Variants in PCDHA10 observed in about 807,000 individuals in gnomAD.
PCDHA10 encodes the protein protocadherin alpha-10.
Under a neutral mutation model 61.2 loss-of-function variants are expected in PCDHA10, and 45 were observed. The ratio of observed to expected loss-of-function variants is 0.74; its 90% CI spans 0.58 to 0.94. PCDHA10 has a LOEUF of 0.94. Among genes scored for constraint, PCDHA10 ranks in the 40% least tolerant of loss-of-function variants. The probability of loss-of-function intolerance (pLI) is 0.00; values close to 1 mark genes in which losing one functional copy is unlikely to be tolerated. For synonymous variants in PCDHA10, 602 were observed against 548.8 expected, an observed-to-expected ratio of 1.10 and a Z score of -1.35; for missense variants, 1,278 against 1,236.2, an observed-to-expected ratio of 1.03 and a Z score of -0.51.
At chr5:140,942,900 GA>G (rs1383279314) in intron 1 of PCDHA10, among the ~76,000 whole-genome samples, 1 of 151,718 alleles carries the variant, frequency 6.6e-6, no homozygotes, top group Non-Finnish European at 1.5e-5. Context: ...TTATCTCTAA[GA>G]ATAAGCGTGA....
In PCDHA10 at chr5:140,858,082, G is replaced by C; in HGVS notation, c.2034G>C (p.Ser678=). 4 of 1,597,832 alleles carry C rather than the reference G, an allele frequency of 2.5e-6. 1 individual carries two copies. Among genetic ancestry groups the C allele is most frequent in the Non-Finnish European group, 3.4e-6 (4 of 1,167,698 alleles). ...AGGGCAGCCAGGCACCCAAGGCCTC[G>C]TCGCGGGCTTCAGTGGGCGTGGCGC... ...LVEGSQAPKA[S]SRASVGVAPE... Residue 678 remains serine (S), a synonymous_variant, in exon 1 of 4, where the codon TCG becomes TCC. Transcript: ENST00000307360.
intron 1 of PCDHA10, among the ~76,000 whole-genome samples, chr5:140,952,596 GTT>G (rs1246642070): frequency 6.6e-6 from 1 of 152,136 alleles, no homozygotes; most frequent in Non-Finnish European, 1.5e-5. Flanking sequence ...TCTCTAGGAA[GTT>G]CTAAGCTCTC....
At chr5:140,925,219 AG>A (rs1324328907) in intron 1 of PCDHA10, among the ~76,000 whole-genome samples, 1 of 152,238 alleles carries the variant, frequency 6.6e-6, no homozygotes, top group Admixed American at 6.5e-5. Context: ...ACTTTTAGGC[AG>A]GTTTCTACCA....
intron 3 of PCDHA10, among the ~76,000 whole-genome samples, chr5:140,992,700 G>A (rs2097525204): frequency 6.6e-6 from 1 of 152,162 alleles, no homozygotes; most frequent in Non-Finnish European, 1.5e-5. Flanking sequence ...GGTGGGTAAT[G>A]TTCCTGCCAG....
At chr5:140,907,381 G>T (rs2073350294) in intron 1 of PCDHA10, among the ~76,000 whole-genome samples, 1 of 152,180 alleles carries the variant, frequency 6.6e-6, no homozygotes, top group African/African-American at 2.4e-5. Context: ...TGAGTGCCTT[G>T]GTCAAAGGCA....
intron 1 of PCDHA10, chr5:140,928,158 A>T: frequency 1.2e-6 from 2 of 1,614,066 alleles, no homozygotes; most frequent in Non-Finnish European, 1.7e-6. Flanking sequence ...ATAGTGGCTC[A>T]CCCCCACTTA....
chr5:140,967,566 G>A, intron 1 of PCDHA10: 2 of 1,614,060 alleles, frequency 1.2e-6, no homozygotes, highest in South Asian at 2.2e-5. Context: ...GTCCAGCTAC[G>A]GGAGGACTCA....
At chr5:140,917,118 G>A (rs961408905) in intron 1 of PCDHA10, among the ~76,000 whole-genome samples, 2 of 152,106 alleles carry the variant, frequency 1.3e-5, no homozygotes, top group African/African-American at 2.4e-5. Context: ...CTCCAAGTGC[G>A]CAGACTCCCC....
chr5:140,883,640 C>T (rs143631680), intron 1 of PCDHA10: 5 of 1,613,958 alleles, frequency 3.1e-6, no homozygotes, highest in Non-Finnish European at 4.2e-6. Context: ...GTTCGCGCAG[C>T]CCGAGTACAC....
chr5:141,008,642 T>C (rs1554261860), intron 3 of PCDHA10, among the ~76,000 whole-genome samples: 1 of 152,212 alleles, frequency 6.6e-6, no homozygotes, highest in Non-Finnish European at 1.5e-5. Flanking sequence ...AACAATTTCT[T>C]CTTCTGGAGT....
rs1476497862 is a variant in PCDHA10 at position 140,947,129 on chromosome 5, T to TAGTAAAATG, written c.2389-31819_2389-31811dup. Among the ~76,000 whole-genome samples the TAGTAAAATG allele has an allele frequency of 1.0e-3, 152 of 151,378 alleles. 1 individual carries two copies. Among genetic ancestry groups the TAGTAAAATG allele is most frequent in the African/African-American group, 3.5e-3 (145 of 41,346 alleles). On this transcript the variant is annotated intron_variant, in intron 1 of 3. Transcript: ENST00000307360. The stretch of plus-strand genomic sequence containing the variant: ...TACGTGTCAATTAAAATAATAAAAA[T>TAGTAAAATG]AGTAAAATGTATAGTTACTTCCACG...
chr5:140,859,389 T>C (rs1554152298), intron 1 of PCDHA10: 1 of 268,430 alleles, frequency 3.7e-6, no homozygotes, highest in Non-Finnish European at 6.7e-6. Context: ...TCTCTAGTCA[T>C]CTTAAACAGG....
At chr5:140,957,490 G>T (rs921873894) in intron 1 of PCDHA10, among the ~76,000 whole-genome samples, 1 of 152,130 alleles carries the variant, frequency 6.6e-6, no homozygotes, top group South Asian at 2.1e-4. Context: ...CATAGTATAT[G>T]TAGAATTCAG....
At chr5:140,922,427 G>A (rs1407931624) in intron 1 of PCDHA10, among the ~76,000 whole-genome samples, 2 of 152,212 alleles carry the variant, frequency 1.3e-5, no homozygotes, top group Middle Eastern at 3.4e-3. Context: ...AGAGGCTGAG[G>A]GCAGAACTCT....
chr5:140,968,994 G>T (rs1182509201), intron 1 of PCDHA10: 2 of 1,614,098 alleles, frequency 1.2e-6, no homozygotes, highest in Non-Finnish European at 1.7e-6. Context: ...GCATGCTGTG[G>T]AGGCTTCTGT....
intron 1 of PCDHA10, among the ~76,000 whole-genome samples, chr5:140,969,721 C>A (rs1399042401): frequency 6.6e-5 from 10 of 152,126 alleles, no homozygotes; most frequent in African/African-American, 2.2e-4. Context: ...GGAAATTTTT[C>A]TTTTGAAATC....
At chr5:140,990,073 G>A (rs559119700) in intron 3 of PCDHA10, among the ~76,000 whole-genome samples, 6 of 152,178 alleles carry the variant, frequency 3.9e-5, no homozygotes, top group East Asian at 1.9e-4. Context: ...AAATAAGGGG[G>A]ACAAAGGATG....
intron 1 of PCDHA10, chr5:140,870,556 G>A (rs782048917): frequency 8.1e-6 from 13 of 1,614,038 alleles, no homozygotes; most frequent in Middle Eastern, 1.7e-4. Flanking sequence ...GGACGCGCAG[G>A]AGAACGCGCT....
At chr5:141,008,751 AG>A (rs1234240078) in intron 3 of PCDHA10, among the ~76,000 whole-genome samples, 11 of 152,244 alleles carry the variant, frequency 7.2e-5, no homozygotes, top group African/African-American at 2.2e-4. Context: ...CACTGAGGGA[AG>A]GAATTTGGCT....
Sources: gnomAD v4.1 joint callset for allele counts (sites outside exome capture counted in the v4.1 genomes callset) on GRCh38, gnomAD v4.1.1 for gene constraint, MANE v1.5 for transcripts, NCBI Gene and HGNC (gene_info 2026-07-23, HGNC 2026-07-21) for gene names.